The following TENM3 variants were observed in gnomAD, a reference collection of about 807,000 sequenced individuals.
TENM3 encodes the protein teneurin transmembrane protein 3.
In TENM3, 63 loss-of-function variants were observed where a neutral mutation model predicts 255.1. That is an observed-to-expected ratio of 0.25 (90% CI 0.20 to 0.30). The LOEUF (loss-of-function observed/expected upper bound fraction) is 0.30. TENM3 is among the 10% of genes least tolerant of loss of function. The pLI is 1.00. For synonymous variants in TENM3, 1,306 were observed against 1,322.3 expected, an observed-to-expected ratio of 0.99 and a Z score of 0.27; for missense variants, 2,929 against 3,461.1, an observed-to-expected ratio of 0.85 and a Z score of 3.86.
At chr4:181,727,383 C>G in the TENM3 span, among the ~76,000 whole-genome samples, 1 of 152,146 alleles carries the variant, frequency 6.6e-6, no homozygotes, top group South Asian at 2.1e-4. Flanking sequence ...CTTCAGGAAC[C>G]AAGGATAAAA....
At chr4:182,027,766 A>G in the TENM3 span, among the ~76,000 whole-genome samples, 18 of 152,258 alleles carry the variant, frequency 1.2e-4, no homozygotes, top group African/African-American at 3.6e-4. Context: ...ATGTATCACA[A>G]TGATTGATGT....
intron 3 of TENM3, among the ~76,000 whole-genome samples, chr4:182,574,761 C>T (rs781693774): frequency 2.0e-5 from 3 of 152,038 alleles, no homozygotes; most frequent in African/African-American, 2.4e-5. Flanking sequence ...GTAGTAAGAA[C>T]GTAAGCTTCT....
the TENM3 span, among the ~76,000 whole-genome samples, chr4:181,626,462 G>A: frequency 6.6e-6 from 1 of 152,206 alleles, no homozygotes; most frequent in Non-Finnish European, 1.5e-5. Context: ...GGCTGCACAA[G>A]CATGGCTCCA....
At chr4:182,348,035 G>A (rs924646089) in intron 3 of TENM3, among the ~76,000 whole-genome samples, 2 of 152,294 alleles carry the variant, frequency 1.3e-5, no homozygotes, top group East Asian at 3.9e-4. Flanking sequence ...GTGTGAAGCA[G>A]CACCTAAGGC....
chr4:182,055,335 A>G, the TENM3 span, among the ~76,000 whole-genome samples: 1 of 151,584 alleles, frequency 6.6e-6, no homozygotes, highest in African/African-American at 2.4e-5. Context: ...ACAGAGCAAG[A>G]CCATGTCTCA....
chr4:181,805,392 C>T, the TENM3 span, among the ~76,000 whole-genome samples: 14 of 152,152 alleles, frequency 9.2e-5, no homozygotes, highest in South Asian at 2.9e-3. Context: ...AGGCTTCACT[C>T]TACTTGTAGT....
chr4:181,877,187 G>A, the TENM3 span: 3 of 151,956 alleles, frequency 2.0e-5, no homozygotes, highest in South Asian at 2.1e-4. Flanking sequence ...GTTTAGAGGG[G>A]GTAAACAATT....
At chr4:182,517,588 T>G (rs991545711) in intron 3 of TENM3, among the ~76,000 whole-genome samples, 1 of 132,638 alleles carries the variant, frequency 7.5e-6, no homozygotes, top group Non-Finnish European at 1.6e-5. Flanking sequence ...TTTCACCGTG[T>G]TAGCCAGGAT....
At chr4:181,507,936 G>A in the TENM3 span, among the ~76,000 whole-genome samples, 5 of 152,126 alleles carry the variant, frequency 3.3e-5, no homozygotes, top group African/African-American at 4.8e-5. Context: ...ATTAAAATCT[G>A]CTTTTGTTTG....
chr4:182,688,071 A>G (rs1350080537), intron 11 of TENM3, 95 bp from the exon 12 acceptor site: 1 of 1,228,020 alleles, frequency 8.1e-7, no homozygotes, highest in Non-Finnish European at 1.1e-6. Context: ...TTTCCCTTGA[A>G]CAAATTTGTG....
chr4:181,916,378 G>A, the TENM3 span, among the ~76,000 whole-genome samples: 4 of 152,238 alleles, frequency 2.6e-5, no homozygotes, highest in East Asian at 3.9e-4. Context: ...CAGGAACTAC[G>A]TAAAACCGGC....
At chr4:182,216,691 A>C (rs866024151) in intron 1 of TENM3, among the ~76,000 whole-genome samples, 1 of 152,214 alleles carries the variant, frequency 6.6e-6, no homozygotes, top group African/African-American at 2.4e-5. Flanking sequence ...CAGAGAGTAC[A>C]CCATAACTTC....
At chr4:182,714,315 C>CAAAA (rs374337174) in intron 13 of TENM3, 82 bp downstream of exon 13, 32 of 140,924 alleles carry the variant, frequency 2.3e-4, no homozygotes, top group Non-Finnish European at 3.2e-4. Flanking sequence ...TATCTGTTGC[C>CAAAA]AAAAAAAAAA....
At chr4:182,348,266 G>A (rs1234287675) in intron 3 of TENM3, among the ~76,000 whole-genome samples, 2 of 152,024 alleles carry the variant, frequency 1.3e-5, no homozygotes, top group Non-Finnish European at 2.9e-5. Context: ...GATAAAATGA[G>A]CCTCAGAATC....
At chr4:181,919,671 G>A in the TENM3 span, among the ~76,000 whole-genome samples, 5 of 152,002 alleles carry the variant, frequency 3.3e-5, no homozygotes, top group South Asian at 2.1e-4. Flanking sequence ...TGACACAATC[G>A]ATCGGCATGA....
At chr4:182,699,794 A>G (rs1757706692) in intron 12 of TENM3, among the ~76,000 whole-genome samples, 1 of 152,150 alleles carries the variant, frequency 6.6e-6, no homozygotes, top group South Asian at 2.1e-4. Context: ...ATACTAGAGG[A>G]TCTTTTTTCC....
At chr4:182,503,812 AACCTACTAC>A (rs1472523673) in intron 3 of TENM3, among the ~76,000 whole-genome samples, 1 of 152,132 alleles carries the variant, frequency 6.6e-6, no homozygotes, top group Admixed American at 6.5e-5. Flanking sequence ...TGAGTAATTC[AACCTACTAC>A]ACCCCAGATA....
At chr4:182,733,443 A>C (rs55789914) in intron 16 of TENM3, among the ~76,000 whole-genome samples, 34,183 of 152,052 alleles carry the variant, frequency 0.22, 4,064 homozygotes, top group Non-Finnish European at 0.27. Context: ...AAGGGTGGAA[A>C]CAAGGAGGCC....
the TENM3 span, among the ~76,000 whole-genome samples, chr4:182,110,946 A>G: frequency 2.6e-5 from 4 of 152,220 alleles, no homozygotes; most frequent in Admixed American, 6.5e-5. Context: ...GTGAAAATCT[A>G]CAATTTCAGG....
Sources: allele counts gnomAD v4.1 joint callset (sites outside exome capture counted in the v4.1 genomes callset), GRCh38; gene constraint gnomAD v4.1.1; transcripts MANE v1.5; gene names NCBI Gene and HGNC (gene_info 2026-07-23, HGNC 2026-07-21).